The following RP1L1 variants were observed in gnomAD, a reference collection of about 807,000 sequenced individuals.
The protein encoded by RP1L1 is retinitis pigmentosa 1-like 1 protein.
A neutral mutation model predicts 15.7 loss-of-function variants in RP1L1; 27 were observed. The ratio of observed to expected loss-of-function variants is 1.72; its 90% CI spans 1.27 to 2.38. The LOEUF is 2.38. Among genes scored for constraint, RP1L1 ranks in the 30% most tolerant of loss-of-function variants. The pLI is 0.00. For missense variants in RP1L1, 4,798 were observed against 3,075.9 expected, an observed-to-expected ratio of 1.56 and a Z score of -13.24; for synonymous variants, 1,813 against 1,276.7, an observed-to-expected ratio of 1.42 and a Z score of -8.96.
intron 1 of RP1L1, among the ~76,000 whole-genome samples, chr8:10,637,885 G>A (rs1383559054): frequency 2.0e-5 from 3 of 152,224 alleles, no homozygotes; most frequent in African/African-American, 7.2e-5. Flanking sequence ...GGGGTGGGGG[G>A]ATTTTCAGGA....
In RP1L1 at chr8:10,613,209, G is replaced by C. The variant is rs997160791; in HGVS notation, c.889C>G (p.Pro297Ala). The stretch of plus-strand genomic sequence containing the variant: ...GCCACCAGCGGGCCCGACTGAGCTG[G>C]CGTGTCCTGAGGGTGCCTGCCAGGA... ...PAPGRHPQDT[P>A]AQSGPLVAGD... The change falls in exon 4 of 4, where the codon CCA (proline) becomes GCA (alanine). Residue 297 changes from proline (P) to alanine (A), a missense_variant. By Grantham distance (27) the Pro-to-Ala change is conservative (BLOSUM62 -1). Transcript: ENST00000382483. 3.1e-6 allele frequency: 5 copies of C among 1,613,520 alleles called. No individual in the cohort carries two copies. Among genetic ancestry groups the C allele is most frequent in the Non-Finnish European group, 4.2e-6 (5 of 1,180,026 alleles).
At position 10,608,634 on chromosome 8, in the gene RP1L1, C is replaced by T. The variant is rs1362790147; in HGVS notation, c.5464G>A (p.Gly1822Ser). 3.1e-6 allele frequency: 5 copies of T among 1,614,078 alleles called. No individual in the cohort carries two copies. Among genetic ancestry groups the T allele is most frequent in the Admixed American group, 3.3e-5 (2 of 60,004 alleles). Residue 1822 changes from glycine (G) to serine (S), a missense_variant, in exon 4 of 4, where the codon GGT becomes AGT. Transcript: ENST00000382483. ...DNLQGEAAAGGDQDPGQSDGA... is the reference protein window; with the variant it reads ...DNLQGEAAAGSDQDPGQSDGA... Reference sequence around the variant, plus strand: ...TCACTCTGTCCTGGATCTTGGTCACCTCCTGCCGCAGCTTCACCCTGCAAG... The same window carrying T: ...TCACTCTGTCCTGGATCTTGGTCACTTCCTGCCGCAGCTTCACCCTGCAAG...
At chr8:10,646,455 G>A (rs1798479539) in intron 1 of RP1L1, among the ~76,000 whole-genome samples, 1 of 152,142 alleles carries the variant, frequency 6.6e-6, no homozygotes, top group Admixed American at 6.5e-5. Context: ...GGGTCTTTAG[G>A]ATTTTGCCCG....
chr8:10,609,035 T>A lies in RP1L1; in HGVS notation c.5063A>T (p.Asp1688Val), dbSNP rs1185859941. 2 of 1,613,662 alleles carry A rather than the reference T, an allele frequency of 1.2e-6. No individual in the cohort carries two copies. Among genetic ancestry groups the A allele is most frequent in the East Asian group, 4.5e-5 (2 of 44,866 alleles). ...CTTCCTCTGCAGAATCTGCTGCAGG[T>A]CAAAGGCCTCTTTGATGGGACCTCT... The part of the protein sequence containing the change: ...ATRGPIKEAF[D>V]LQQILQRKRG... Residue 1688 changes from aspartate to valine, a missense_variant, in exon 4 of 4, where the codon GAC becomes GTC. Physicochemically the swap from Asp to Val is radical, Grantham distance 152. Transcript: ENST00000382483.
chr8:10,610,051 C>T lies in RP1L1; in HGVS notation c.4047G>A (p.Gln1349=). 1.6e-6 allele frequency: 2 copies of T among 1,275,248 alleles called. No homozygotes were observed. The allele number at this position is 1,275,248 out of a possible 1,614,324, so 79.0% of individuals were successfully genotyped here. A position where few individuals can be genotyped will look rare whatever the true frequency, so the allele number is the denominator to read the frequency against. ...CCTCTAACTGCGCCTCTTCTTCTTGCTGTCCTTCTCCTTCTGTTTCTTTAG... is the reference window on the plus strand; with the variant it reads ...CCTCTAACTGCGCCTCTTCTTCTTGTTGTCCTTCTCCTTCTGTTTCTTTAG... ...EETKETEGEG[Q]QEEEAQLEEI... The change falls in exon 4 of 4, where the codon CAG becomes CAA. Residue 1349 remains glutamine (Q), a synonymous_variant. Transcript: ENST00000382483.
intron 1 of RP1L1, among the ~76,000 whole-genome samples, chr8:10,628,935 G>C (rs1798198859): frequency 6.6e-6 from 1 of 152,262 alleles, no homozygotes; most frequent in South Asian, 2.1e-4. Context: ...GCCTGGATTT[G>C]CAGGGCTTAC....
In RP1L1 at chr8:10,626,078, C is replaced by T. The variant is rs887739087; in HGVS notation, c.-19-2858G>A. 6.6e-5 allele frequency among the ~76,000 whole-genome samples: 10 copies of T among 152,084 alleles called. 1 individual carries two copies. Among genetic ancestry groups the T allele is most frequent in the Admixed American group, 2.0e-4 (3 of 15,286 alleles). ...AAAATAGAAGTCACAGGAAATGCTCCAAGAGTTGACAGCCCCTGTGGAGGA... is the reference window on the plus strand; with the variant it reads ...AAAATAGAAGTCACAGGAAATGCTCTAAGAGTTGACAGCCCCTGTGGAGGA... On this transcript the variant is annotated intron_variant, in intron 1 of 3. Coordinates refer to ENST00000382483, the MANE Select transcript of RP1L1 (RefSeq NM_178857.6).
chr8:10,616,338 C>G, intron 3 of RP1L1, 108 bp downstream of exon 3: 3 of 1,431,920 alleles, frequency 2.1e-6, no homozygotes, highest in South Asian at 1.2e-5. Context: ...TACCCAAGAT[C>G]TGGGGCCAAA....
Position 10,609,712 on chromosome 8 carries a change from TG to T in RP1L1, c.4385del (p.Pro1462GlnfsTer24). ...AGCCACTCTGCCTCTCGCTGGCACT[TG>T]GGTCCGTCTCGCTGAGATGACTAGG... ...EPPSHLSETDPSASERQSGSQ... is the reference protein window; with the variant it reads ...EPPSHLSETDXSASERQSGSQ... On this transcript the variant is annotated frameshift_variant, in exon 4 of 4. Transcript: ENST00000382483. LOFTEE classifies it low-confidence loss of function (END_TRUNC). 6.2e-7 allele frequency: 1 copy of T among 1,613,220 alleles called. No individual in the cohort carries two copies.
rs751190824 is a variant in RP1L1 at position 10,608,276 on chromosome 8, T to C, written c.5822A>G (p.Gln1941Arg). The part of the protein sequence containing the change: ...DEPESEGAEA[Q>R]EAEEAAQEAE... ...CTCCTGGGCCGCCTCTTCTGCCTCT[T>C]GGGCCTCTGCACCTTCTGACTCTGG... Residue 1941 changes from glutamine (Q) to arginine (R), a missense_variant, in exon 4 of 4, where the codon CAA (glutamine) becomes CGA (arginine). Physicochemically the swap from Gln to Arg is conservative, Grantham distance 43 (BLOSUM62 1). Transcript: ENST00000382483. The C allele has an allele frequency of 6.3e-7, 1 of 1,594,174 alleles. No homozygotes were observed. The highest frequency in any genetic ancestry group is 1.7e-5 in the Admixed American group (1 of 58,514).
intron 1 of RP1L1, among the ~76,000 whole-genome samples, chr8:10,635,772 C>A (rs1798319851): frequency 6.6e-6 from 1 of 152,224 alleles, no homozygotes; most frequent in Non-Finnish European, 1.5e-5. Flanking sequence ...ATTCTTGCAA[C>A]TTTGCAGTAG....
intron 1 of RP1L1, among the ~76,000 whole-genome samples, chr8:10,628,194 A>G (rs1798187013): frequency 6.6e-6 from 1 of 152,214 alleles, no homozygotes; most frequent in African/African-American, 2.4e-5. Flanking sequence ...CCATAAACAA[A>G]GAGGTTAAAC....
rs78574282 is a variant in RP1L1 at position 10,636,495 on chromosome 8, C to A, written c.-19-13275G>T. 9.0e-3 allele frequency among the ~76,000 whole-genome samples: 1,363 copies of A among 152,256 alleles called. 17 individuals carry two copies. The highest frequency in any genetic ancestry group is 0.03 in the African/African-American group (1,255 of 41,560). ...TGGGATTGACTGAGCCTCGCCTGTG[C>A]AGTTGAGGCCCCGCCTTCTTCCCTT... On this transcript the variant is annotated intron_variant, in intron 1 of 3. Coordinates refer to ENST00000382483, the MANE Select transcript of RP1L1 (RefSeq NM_178857.6).
intron 1 of RP1L1, among the ~76,000 whole-genome samples, chr8:10,630,861 C>A (rs974472129): frequency 1.3e-5 from 2 of 152,234 alleles, no homozygotes; most frequent in African/African-American, 4.8e-5. Flanking sequence ...AAGTCTACAA[C>A]AGAGATTCAT....
At chr8:10,617,615 G>A (rs1354824828) in intron 2 of RP1L1, among the ~76,000 whole-genome samples, 1 of 139,492 alleles carries the variant, frequency 7.2e-6, no homozygotes, top group African/African-American at 2.7e-5. Context: ...GGAGTGCAGT[G>A]GCGCGATCTG....
At chr8:10,654,484 T>G (rs891482653) in intron 1 of RP1L1, among the ~76,000 whole-genome samples, 4 of 152,084 alleles carry the variant, frequency 2.6e-5, no homozygotes, top group Admixed American at 2.6e-4. Flanking sequence ...CCACCCCAGC[T>G]GACCTCACCC....
intron 1 of RP1L1, among the ~76,000 whole-genome samples, chr8:10,650,749 T>C (rs1222908568): frequency 6.6e-6 from 1 of 151,932 alleles, no homozygotes; most frequent in Non-Finnish European, 1.5e-5. Flanking sequence ...GTATTTTTAG[T>C]GGAGACATGG....
intron 2 of RP1L1, among the ~76,000 whole-genome samples, chr8:10,618,434 G>A (rs1798006282): frequency 6.6e-6 from 1 of 152,208 alleles, no homozygotes; most frequent in African/African-American, 2.4e-5. Context: ...TTCAACCCTG[G>A]AAGCGGAGGA....
chr8:10,616,588 C>T lies in RP1L1; in HGVS notation c.610-1G>A. On this transcript the variant is annotated splice_acceptor_variant, in intron 2 of 3. Coordinates refer to ENST00000382483, the MANE Select transcript of RP1L1 (RefSeq NM_178857.6). LOFTEE classifies it high-confidence loss of function. ...GCAGCAGGGCCTGCAGCGAGTCCAC[C>T]TGAGGGAGGAGCGGGCGGGGTCAGG... 6.2e-7 allele frequency: 1 copy of T among 1,610,950 alleles called. No homozygotes were observed. Among genetic ancestry groups the T allele is most frequent in the Non-Finnish European group, 8.5e-7 (1 of 1,179,302 alleles).
Sources: gnomAD v4.1 joint callset for allele counts (sites outside exome capture counted in the v4.1 genomes callset) on GRCh38, gnomAD v4.1.1 for gene constraint, MANE v1.5 for transcripts, NCBI Gene and HGNC (gene_info 2026-07-23, HGNC 2026-07-21) for gene names.